Variants in GAB3 observed in about 807,000 individuals in gnomAD.
GAB3 encodes GRB2-associated-binding protein 3.
GAB3 carries 12 observed loss-of-function variants against 40.4 expected under a neutral mutation model. The ratio of observed to expected loss-of-function variants is 0.30; its 90% CI spans 0.19 to 0.48. The LOEUF (loss-of-function observed/expected upper bound fraction) is 0.48. Ranked by LOEUF, GAB3 falls within the 20% of genes least tolerant of loss-of-function variation. The pLI is 0.99. For missense variants in GAB3, 381 were observed against 461.9 expected (o/e 0.82, Z 1.61); for synonymous variants, 154 against 176.7 (o/e 0.87, Z 1.02).
At chrX:154,751,287 G>T (rs1402561672), upstream of GAB3, among the ~76,000 whole-genome samples, 3 of 90,587 alleles carry the variant, frequency 3.3e-5, no homozygotes, top group Non-Finnish European at 6.4e-5. Flanking sequence ...CTGTGCCCGG[G>T]GGGGGGGTGT....
chrX:154,730,072 T>G (rs1603427354), intron 1 of GAB3, among the ~76,000 whole-genome samples: 1 of 112,285 alleles, frequency 8.9e-6, no homozygotes, highest in Admixed American at 9.4e-5. Flanking sequence ...GAAACAGTCA[T>G]GTGCTAGAGC....
intron 4 of GAB3, among the ~76,000 whole-genome samples, chrX:154,706,666 A>C (rs1557253687): frequency 9.0e-6 from 1 of 111,049 alleles, no homozygotes; most frequent in African/African-American, 3.3e-5. Context: ...TAATCCCAGT[A>C]CGTTGGGAAG....
chrX:154,723,160 G>A (rs782029929), intron 1 of GAB3, among the ~76,000 whole-genome samples: 25 of 111,963 alleles, frequency 2.2e-4, no homozygotes, highest in South Asian at 3.7e-4. Context: ...GATTACAGGC[G>A]TGAACCACCG....
intron 1 of GAB3, among the ~76,000 whole-genome samples, chrX:154,724,210 G>C (rs1557259152): frequency 9.1e-6 from 1 of 110,056 alleles, no homozygotes. Context: ...AGCCAGGTGT[G>C]ATGGCACGCA....
intron 8 of GAB3, among the ~76,000 whole-genome samples, chrX:154,684,765 A>G (rs2070424096): frequency 9.0e-6 from 1 of 110,866 alleles, no homozygotes. Flanking sequence ...CACCATGTAT[A>G]CTCCACTAAC....
At chrX:154,713,185 A>G (rs1569557810) in intron 3 of GAB3, 22 bp downstream of exon 3, 2 of 1,158,973 alleles carry the variant, frequency 1.7e-6, no homozygotes, top group Non-Finnish European at 2.4e-6. Flanking sequence ...CAGCTCAGAC[A>G]GAGTCCTGGG....
At chrX:154,715,421 C>CA (rs1569557840) in intron 2 of GAB3, among the ~76,000 whole-genome samples, 31 of 104,030 alleles carry the variant, frequency 3.0e-4, no homozygotes, top group African/African-American at 1.1e-3. Context: ...TGCGTGTGTG[C>CA]GTGTGGCAGA....
intron 1 of GAB3, among the ~76,000 whole-genome samples, chrX:154,738,173 A>G (rs944788532): frequency 2.7e-5 from 3 of 112,282 alleles, no homozygotes; most frequent in Non-Finnish European, 3.8e-5. Context: ...GCTCAGTGTG[A>G]GTCAACGGTG....
In GAB3 at chrX:154,699,545, C is replaced by A. The variant is rs368619647; in HGVS notation, c.1126-32G>T. ...AAGAATAGATACAGATTGGGAACCA[C>A]AGACCAGTCATGGAAACTGCTATCA... On this transcript the variant is annotated intron_variant, in intron 5 of 9. Coordinates refer to ENST00000424127, the MANE Select transcript of GAB3 (RefSeq NM_001081573.3). 1.1e-5 allele frequency: 13 copies of A among 1,144,778 alleles called. No homozygotes were observed. The African/African-American group carries it at 1.8e-4, about 16-fold the overall frequency. 94.3% of individuals were successfully genotyped at this position (1,144,778 alleles called of 1,213,427 possible). A position where few individuals can be genotyped will look rare whatever the true frequency, so the allele number is the denominator to read the frequency against.
intron 8 of GAB3, among the ~76,000 whole-genome samples, chrX:154,683,199 G>A (rs1311271709): frequency 1.8e-5 from 2 of 111,368 alleles, no homozygotes; most frequent in Non-Finnish European, 3.8e-5. Flanking sequence ...TTTCTGCAGG[G>A]TGATCCCATT....
intron 5 of GAB3, among the ~76,000 whole-genome samples, chrX:154,699,773 T>C (rs2070713770): frequency 8.9e-6 from 1 of 111,993 alleles, no homozygotes; most frequent in African/African-American, 3.2e-5. Flanking sequence ...CATAAAGTGA[T>C]GCCTTAAGTA....
intron 1 of GAB3, among the ~76,000 whole-genome samples, chrX:154,747,326 T>C (rs920609777): frequency 6.2e-5 from 7 of 112,275 alleles, no homozygotes; most frequent in African/African-American, 1.6e-4. Flanking sequence ...TGGTTTTTGA[T>C]GATGTTTCAA....
rs963539009 is a variant in GAB3, at chrX:154,675,388, G to A, written c.*2790C>T. On this transcript the variant is annotated 3_prime_UTR_variant, in exon 10 of 10. Coordinates refer to ENST00000424127, the MANE Select transcript of GAB3 (RefSeq NM_001081573.3). ...AAGCCAGGTCTGAGGAGAGCCTTCAGTTTCAACTCGGAACTTTTAAAGGTC... is the reference window on the plus strand; with the variant it reads ...AAGCCAGGTCTGAGGAGAGCCTTCAATTTCAACTCGGAACTTTTAAAGGTC... The A allele has an allele frequency of 8.9e-6, 1 of 112,126 alleles. No individual in the cohort carries two copies. 9.2% of individuals were successfully genotyped at this position (112,126 alleles called of 1,213,427 possible). A position where few individuals can be genotyped will look rare whatever the true frequency, so the allele number is the denominator to read the frequency against.
Position 154,678,070 on chromosome X carries a change from T to G in GAB3, c.*108A>C. 6 of 457,180 alleles carry G rather than the reference T, an allele frequency of 1.3e-5. No homozygotes were observed. Among genetic ancestry groups the G allele is most frequent in the Non-Finnish European group, 2.3e-5 (6 of 262,903 alleles). The allele number at this position is 457,180 out of a possible 1,213,427, so 37.7% of individuals were successfully genotyped here. A position where few individuals can be genotyped will look rare whatever the true frequency, so the allele number is the denominator to read the frequency against. ...TACACATTCTCTCTTGGTTTTGACCTGTGTTGACCATCAGTGTGTTTTTAG... is the reference window on the plus strand; with the variant it reads ...TACACATTCTCTCTTGGTTTTGACCGGTGTTGACCATCAGTGTGTTTTTAG... On this transcript the variant is annotated 3_prime_UTR_variant, in exon 10 of 10. Transcript: ENST00000424127.
At chrX:154,746,228 T>C (rs1249140545) in intron 1 of GAB3, among the ~76,000 whole-genome samples, 5 of 111,665 alleles carry the variant, frequency 4.5e-5, no homozygotes, top group African/African-American at 1.6e-4. Flanking sequence ...GAACTTCTGA[T>C]TTCATTTTAT....
intron 6 of GAB3, among the ~76,000 whole-genome samples, chrX:154,697,602 T>C (rs1228372704): frequency 8.9e-6 from 1 of 111,884 alleles, no homozygotes; most frequent in Non-Finnish European, 1.9e-5. Context: ...GCAGAGATGA[T>C]CACCCAGGTC....
At chrX:154,696,418 C>T (rs1569557337) in intron 7 of GAB3, among the ~76,000 whole-genome samples, 2 of 110,948 alleles carry the variant, frequency 1.8e-5, no homozygotes, top group African/African-American at 3.3e-5. Context: ...CAATCAACTC[C>T]CATCCTTCTC....
In GAB3 at chrX:154,712,163, T is replaced by G. The variant is rs1471314498; in HGVS notation, c.1069+66A>C. ...TTTGGTCCATTGGCATGACCTCACA[T>G]GGGCACAAAGAGTGAAGAGGAGCCC... On this transcript the variant is annotated intron_variant, in intron 4 of 9. Coordinates refer to ENST00000424127, the MANE Select transcript of GAB3 (RefSeq NM_001081573.3). 6 of 832,906 alleles carry G rather than the reference T, an allele frequency of 7.2e-6. No individual in the cohort carries two copies. In the African/African-American group the frequency reaches 1.2e-4, roughly 17 times the overall value. The allele number at this position is 832,906 out of a possible 1,213,427, so 68.6% of individuals were successfully genotyped here.
At chrX:154,718,351 T>A (rs2071078030) in intron 1 of GAB3, among the ~76,000 whole-genome samples, 1 of 108,691 alleles carries the variant, frequency 9.2e-6, no homozygotes, top group Admixed American at 9.8e-5. Context: ...TGAACCCTGG[T>A]TTGCTCCTGC....
Sources: gnomAD v4.1 joint callset for allele counts (sites outside exome capture counted in the v4.1 genomes callset) on GRCh38, gnomAD v4.1.1 for gene constraint, MANE v1.5 for transcripts, NCBI Gene and HGNC (gene_info 2026-07-23, HGNC 2026-07-21) for gene names.